Variants in DPP6 observed in about 807,000 individuals in gnomAD.
DPP6 encodes dipeptidyl peptidase like 6, also known as A-type potassium channel modulatory protein DPP6.
Under a neutral mutation model 122.6 loss-of-function variants are expected in DPP6, and 69 were observed. The ratio of observed to expected loss-of-function variants is 0.56; its 90% CI spans 0.46 to 0.69. The LOEUF is 0.69. DPP6 is among the 30% of genes least tolerant of loss of function. The pLI, the probability that DPP6 is intolerant of heterozygous loss-of-function variation, is 0.00. For synonymous variants in DPP6, 418 were observed against 433.1 expected (o/e 0.97, Z 0.43); for missense variants, 928 against 1,116.9 (o/e 0.83, Z 2.41).
chr7:154,235,997 C>T lies in DPP6; in HGVS notation c.243+182934C>T, dbSNP rs548879062. On this transcript the variant is annotated intron_variant, in intron 1 of 25. Coordinates refer to ENST00000377770, the MANE Select transcript of DPP6 (RefSeq NM_130797.4). ...TCTCCCAGCTATCTGGGATTATGTG[C>T]GTGCGCCACTACTCCCGGCTAATTT... 7.2e-5 allele frequency among the ~76,000 whole-genome samples: 11 copies of T among 152,176 alleles called. No individual in the cohort carries two copies. The South Asian group carries it at 1.0e-3, about 14-fold the overall frequency.
intron 7 of DPP6, among the ~76,000 whole-genome samples, chr7:154,681,194 T>C (rs910507228): frequency 1.3e-5 from 2 of 152,230 alleles, no homozygotes; most frequent in African/African-American, 4.8e-5. Flanking sequence ...CCTGACCTGC[T>C]TGCCCACGTT....
intron 1 of DPP6, among the ~76,000 whole-genome samples, chr7:153,941,863 G>C (rs1005058395): frequency 1.3e-5 from 2 of 151,912 alleles, no homozygotes; most frequent in African/African-American, 2.4e-5. Flanking sequence ...CCCTCTCTCT[G>C]TTTCTGTTTG....
chr7:153,808,567 C>A, the DPP6 span, among the ~76,000 whole-genome samples: 1 of 151,918 alleles, frequency 6.6e-6, no homozygotes, highest in Non-Finnish European at 1.5e-5. Flanking sequence ...AAGGTTGTAA[C>A]CTTTGACCAA....
chr7:154,214,605 C>A (rs1799901757), intron 1 of DPP6, among the ~76,000 whole-genome samples: 1 of 152,172 alleles, frequency 6.6e-6, no homozygotes, highest in South Asian at 2.1e-4. Context: ...GTTTCCTTAT[C>A]AGTAAACTAG....
intron 5 of DPP6, among the ~76,000 whole-genome samples, chr7:154,603,934 T>G (rs1833505051): frequency 8.3e-6 from 1 of 120,298 alleles, no homozygotes; most frequent in Non-Finnish European, 1.9e-5. Context: ...GTTCTGTTTC[T>G]TGATTTGCAT....
intron 1 of DPP6, among the ~76,000 whole-genome samples, chr7:154,104,626 G>A (rs1038902564): frequency 5.3e-5 from 8 of 152,276 alleles, no homozygotes; most frequent in African/African-American, 1.9e-4. Context: ...GACCTGTGCT[G>A]TGCAGGCATC....
chr7:154,396,472 A>G (rs1023785731), intron 1 of DPP6, among the ~76,000 whole-genome samples: 2 of 152,204 alleles, frequency 1.3e-5, no homozygotes, highest in African/African-American at 4.8e-5. Flanking sequence ...CTCTTTTCCT[A>G]TAACTTCAGA....
chr7:153,931,341 G>A (rs538700611), intron 1 of DPP6, among the ~76,000 whole-genome samples: 194 of 152,146 alleles, frequency 1.3e-3, no homozygotes, highest in Non-Finnish European at 2.3e-3. Flanking sequence ...AAAAAAAAAA[G>A]GATAACATTC....
chr7:154,521,746 G>T (rs1826998906), intron 3 of DPP6, among the ~76,000 whole-genome samples: 1 of 152,056 alleles, frequency 6.6e-6, no homozygotes, highest in Non-Finnish European at 1.5e-5. Flanking sequence ...AGATATTGTG[G>T]TATCATTTTA....
chr7:154,175,713 G>A (rs868117986), intron 1 of DPP6, among the ~76,000 whole-genome samples: 58 of 147,574 alleles, frequency 3.9e-4, no homozygotes, highest in Middle Eastern at 3.5e-3. Context: ...ATTCTTACTG[G>A]AGACTGGCTT....
chr7:154,308,314 TA>T (rs5888568), intron 1 of DPP6, among the ~76,000 whole-genome samples: 175 of 151,370 alleles, frequency 1.2e-3, no homozygotes, highest in Middle Eastern at 3.4e-3. Flanking sequence ...CCGTGTTTGC[TA>T]AAAAAAATGT....
chr7:154,508,807 G>A (rs923586933), intron 3 of DPP6, among the ~76,000 whole-genome samples: 5 of 152,178 alleles, frequency 3.3e-5, no homozygotes, highest in Non-Finnish European at 7.3e-5. Context: ...GATTTTCTAT[G>A]TTATGGAGTA....
At chr7:154,372,399 C>A (rs909652074) in intron 1 of DPP6, among the ~76,000 whole-genome samples, 1 of 152,266 alleles carries the variant, frequency 6.6e-6, no homozygotes, top group East Asian at 1.9e-4. Flanking sequence ...CCGCTCCCTC[C>A]CCTGCCCCAC....
chr7:154,154,585 A>T (rs961507059), intron 1 of DPP6, among the ~76,000 whole-genome samples: 20 of 152,234 alleles, frequency 1.3e-4, no homozygotes, highest in Non-Finnish European at 2.2e-4. Context: ...CCACATTGTT[A>T]TTGAAGTTTA....
At chr7:154,338,469 G>A (rs1182278760) in intron 1 of DPP6, among the ~76,000 whole-genome samples, 1 of 152,170 alleles carries the variant, frequency 6.6e-6, no homozygotes, top group Non-Finnish European at 1.5e-5. Flanking sequence ...AATAAAAAAT[G>A]TCAGGTACTT....
At chr7:154,392,231 C>G (rs1021795260) in intron 1 of DPP6, among the ~76,000 whole-genome samples, 1 of 152,134 alleles carries the variant, frequency 6.6e-6, no homozygotes, top group African/African-American at 2.4e-5. Context: ...TGAGATGGCA[C>G]CACTGCACTC....
intron 8 of DPP6, among the ~76,000 whole-genome samples, chr7:154,750,930 T>G (rs1051702471): frequency 2.6e-5 from 4 of 151,956 alleles, no homozygotes; most frequent in Non-Finnish European, 5.9e-5. Flanking sequence ...GGGCTCTGGG[T>G]GGTGACATCT....
intron 1 of DPP6, among the ~76,000 whole-genome samples, chr7:154,190,430 G>C (rs1563297137): frequency 6.6e-6 from 1 of 152,148 alleles, no homozygotes; most frequent in African/African-American, 2.4e-5. Context: ...TTCTCAAAAG[G>C]TGATGGGTTC....
At chr7:154,650,532 T>C (rs1235340786) in intron 6 of DPP6, among the ~76,000 whole-genome samples, 1 of 152,168 alleles carries the variant, frequency 6.6e-6, no homozygotes, top group African/African-American at 2.4e-5. Flanking sequence ...CCATGGTGTT[T>C]CCTTAATGAG....
Sources: gnomAD v4.1 joint callset for allele counts (sites outside exome capture counted in the v4.1 genomes callset) on GRCh38, gnomAD v4.1.1 for gene constraint, MANE v1.5 for transcripts, NCBI Gene and HGNC (gene_info 2026-07-23, HGNC 2026-07-21) for gene names.